Variants in FRMPD4 observed in about 807,000 individuals in gnomAD.
FRMPD4 encodes the protein FERM and PDZ domain containing 4, also known as FERM and PDZ domain-containing protein 4.
In FRMPD4, 22 loss-of-function variants were observed where a neutral mutation model predicts 94.1. The observed-to-expected ratio is 0.23, with a 90% confidence interval of 0.17 to 0.33. The LOEUF (loss-of-function observed/expected upper bound fraction) is 0.33, where lower values mean the gene tolerates loss of function less well. Among genes scored for constraint, FRMPD4 ranks in the 10% least tolerant of loss-of-function variants. FRMPD4 has a pLI of 1.00. For synonymous variants in FRMPD4, 631 were observed against 548.6 expected (o/e 1.15, Z -2.10); for missense variants, 1,111 against 1,339.9 (o/e 0.83, Z 2.67).
At chrX:12,023,611 A>G (rs976062533) in intron 3 of FRMPD4, among the ~76,000 whole-genome samples, 2 of 112,107 alleles carry the variant, frequency 1.8e-5, no homozygotes, top group African/African-American at 6.5e-5. Flanking sequence ...CATGCAAAGA[A>G]CAGTGCCTGG....
chrX:12,547,191 C>T (rs2058488133), intron 2 of FRMPD4, among the ~76,000 whole-genome samples: 1 of 110,749 alleles, frequency 9.0e-6, no homozygotes, highest in Non-Finnish European at 1.9e-5. Flanking sequence ...TGCAACGATG[C>T]CACAGAATGG....
chrX:12,312,239 C>CTT lies in FRMPD4; in HGVS notation c.41+173256_41+173257dup, dbSNP rs200625685. Among the ~76,000 whole-genome samples the CTT allele has an allele frequency of 2.0e-3, 126 of 61,491 alleles. 29 individuals carry two copies. The highest frequency in any genetic ancestry group is 2.5e-3 in the Non-Finnish European group (84 of 33,359). The allele number at this position is 61,491 out of a possible 115,157, so 53.4% of individuals were successfully genotyped here. A position where few individuals can be genotyped will look rare whatever the true frequency, so the allele number is the denominator to read the frequency against. ...CTTCCTTTTCAACTCTGCTCCATTA[C>CTT]TTTTTTTTTTTTTTTTTTTTTTTTT... is the stretch of plus-strand genomic sequence containing the variant. On this transcript the variant is annotated intron_variant, in intron 1 of 16. Coordinates refer to ENST00000675598, the MANE Select transcript of FRMPD4 (RefSeq NM_001368397.1).
Position 12,674,871 on chromosome X carries a change from A to C in FRMPD4, c.431A>C (p.Lys144Thr), listed in dbSNP as rs1463826958. 8.6e-7 allele frequency: 1 copy of C among 1,162,659 alleles called. No homozygotes were observed. Among genetic ancestry groups the C allele is most frequent in the Admixed American group, 2.2e-5 (1 of 46,006 alleles). ...GTTTTTCTCTCTTACAGAAGCTGCA[A>C]AGAATCGATACTCCTCACTGTCATT... ...ERVIDLVRSC[K>T]ESILLTVIQP... The change falls in exon 5 of 17, where the codon AAA becomes ACA. Residue 144 changes from lysine to threonine, a missense_variant. Lys to Thr is a moderately conservative substitution (Grantham distance 78). Coordinates refer to ENST00000675598, the MANE Select transcript of FRMPD4 (RefSeq NM_001368397.1).
intron 1 of FRMPD4, among the ~76,000 whole-genome samples, chrX:12,460,533 C>A (rs1265894666): frequency 8.9e-6 from 1 of 111,929 alleles, no homozygotes; most frequent in Non-Finnish European, 1.9e-5. Flanking sequence ...ACCATGACAC[C>A]TTTGTTTAAA....
At chrX:12,460,171 G>C (rs2057377008) in intron 1 of FRMPD4, among the ~76,000 whole-genome samples, 1 of 111,757 alleles carries the variant, frequency 8.9e-6, no homozygotes, top group Non-Finnish European at 1.9e-5. Context: ...CCCTCTGTTG[G>C]ATATATACTT....
At chrX:11,851,424 G>C (rs901412605) in intron 1 of FRMPD4, among the ~76,000 whole-genome samples, 1 of 111,087 alleles carries the variant, frequency 9.0e-6, no homozygotes, top group Admixed American at 9.6e-5. Flanking sequence ...GTGCTTGGTT[G>C]CCCCCTGACT....
At chrX:12,485,715 C>G (rs1053222149) in intron 1 of FRMPD4, among the ~76,000 whole-genome samples, 7 of 110,510 alleles carry the variant, frequency 6.3e-5, no homozygotes, top group Non-Finnish European at 1.3e-4. Flanking sequence ...TTGAGACCAG[C>G]CTGGCCAACA....
intron 3 of FRMPD4, among the ~76,000 whole-genome samples, chrX:11,908,079 T>C (rs2053977391): frequency 9.0e-6 from 1 of 111,647 alleles, no homozygotes; most frequent in Non-Finnish European, 1.9e-5. Flanking sequence ...TTTGTCTGTA[T>C]AGCTTAGTTG....
chrX:12,107,276 C>A (rs928554842), intron 3 of FRMPD4, among the ~76,000 whole-genome samples: 4 of 112,070 alleles, frequency 3.6e-5, no homozygotes, highest in Admixed American at 9.5e-5. Context: ...GCTGCTGATA[C>A]CCAGGCAAAC....
intron 3 of FRMPD4, among the ~76,000 whole-genome samples, chrX:11,964,302 C>T (rs2054299206): frequency 9.1e-6 from 1 of 110,061 alleles, no homozygotes; most frequent in Non-Finnish European, 1.9e-5. Context: ...TGGGACTACA[C>T]GTGCCCGCCA....
At chrX:12,061,963 T>C (rs987530858) in intron 3 of FRMPD4, among the ~76,000 whole-genome samples, 40 of 112,107 alleles carry the variant, frequency 3.6e-4, no homozygotes, top group African/African-American at 1.3e-3. Context: ...ACACAATTTG[T>C]ATCTGAATGC....
chrX:12,401,711 CAG>C (rs2056610957), intron 1 of FRMPD4, among the ~76,000 whole-genome samples: 1 of 111,850 alleles, frequency 8.9e-6, no homozygotes, highest in African/African-American at 3.2e-5. Flanking sequence ...ATGAATATTT[CAG>C]AGACATAATA....
At chrX:12,655,342 C>G (rs1331739340) in intron 4 of FRMPD4, among the ~76,000 whole-genome samples, 1 of 111,893 alleles carries the variant, frequency 8.9e-6, no homozygotes, top group Non-Finnish European at 1.9e-5. Context: ...ATCTCTATCC[C>G]TGTGTGTGTG....
At chrX:12,592,370 A>G (rs924801576) in intron 2 of FRMPD4, among the ~76,000 whole-genome samples, 3 of 111,722 alleles carry the variant, frequency 2.7e-5, no homozygotes, top group Non-Finnish European at 5.7e-5. Context: ...TCTCTTATTA[A>G]CCTATCTTTG....
chrX:12,142,638 A>C (rs928673001), intron 1 of FRMPD4, among the ~76,000 whole-genome samples: 2 of 112,174 alleles, frequency 1.8e-5, no homozygotes, highest in African/African-American at 6.5e-5. Context: ...TGAAATGATG[A>C]ACAGTTTCAT....
intron 3 of FRMPD4, among the ~76,000 whole-genome samples, chrX:11,881,329 T>C (rs1278519882): frequency 8.9e-6 from 1 of 112,167 alleles, no homozygotes; most frequent in Non-Finnish European, 1.9e-5. Context: ...AAAACTTACA[T>C]TCCCACAAAA....
chrX:12,592,567 A>C (rs183205559), intron 2 of FRMPD4, among the ~76,000 whole-genome samples: 180 of 112,246 alleles, frequency 1.6e-3, no homozygotes, highest in African/African-American at 5.7e-3. Context: ...TGATATTAGT[A>C]ATTCCACTTA....
chrX:11,915,385 G>T (rs1190958678), intron 3 of FRMPD4, among the ~76,000 whole-genome samples: 1 of 112,314 alleles, frequency 8.9e-6, no homozygotes, highest in Non-Finnish European at 1.9e-5. Flanking sequence ...TTCCTCAGTT[G>T]AAGGTGTAGA....
chrX:12,106,089 A>G (rs1304740390), intron 3 of FRMPD4, among the ~76,000 whole-genome samples: 1 of 111,792 alleles, frequency 8.9e-6, no homozygotes, highest in East Asian at 2.8e-4. Flanking sequence ...GCAGAAAGGG[A>G]GGACCTGCGA....
Sources: gnomAD v4.1 joint callset for allele counts (sites outside exome capture counted in the v4.1 genomes callset) on GRCh38, gnomAD v4.1.1 for gene constraint, MANE v1.5 for transcripts, NCBI Gene and HGNC (gene_info 2026-07-23, HGNC 2026-07-21) for gene names.